The following ASPG variants were observed in gnomAD, a reference collection of about 807,000 sequenced individuals.
ASPG encodes the protein asparaginase, also known as 60 kDa lysophospholipase.
A neutral mutation model predicts 63.2 loss-of-function variants in ASPG; 53 were observed. The ratio of observed to expected loss-of-function variants is 0.84; its 90% CI spans 0.67 to 1.05. The LOEUF is 1.05. Ranked by LOEUF, ASPG falls within the 50% of genes least tolerant of loss-of-function variation. The pLI, the probability that ASPG is intolerant of heterozygous loss-of-function variation, is 0.00. For synonymous variants in ASPG, 370 were observed against 355.0 expected (o/e 1.04, Z -0.48); for missense variants, 741 against 794.4 (o/e 0.93, Z 0.81).
At position 104,104,469 on chromosome 14, in the gene ASPG, G is replaced by A; in HGVS notation, c.919G>A (p.Asp307Asn). Residue 307 changes from aspartate to asparagine, a missense_variant, in exon 8 of 16, where the codon GAC (aspartate) becomes AAC (asparagine). By Grantham distance (23) the Asp-to-Asn change is conservative (BLOSUM62 1). Transcript: ENST00000551177. Reference protein sequence around the residue: ...THCLQGAVTTDYAAGMAMAGA... With the variant: ...THCLQGAVTTNYAAGMAMAGA... ...CTGCCTCCAGGGGGCTGTGACCACA[G>A]ACTATGCAGCTGGCATGGTAGTGCC... is the stretch of plus-strand genomic sequence containing the variant. The A allele has an allele frequency of 6.2e-7, 1 of 1,612,378 alleles. No homozygotes were observed. The highest frequency in any genetic ancestry group is 1.3e-5 in the African/African-American group (1 of 75,060).
rs898526634 is a variant in ASPG, at chr14:104,109,080, G to A, written c.1434-149G>A. The A allele has an allele frequency of 8.2e-6, 12 of 1,471,380 alleles. 1 individual carries two copies. In the Admixed American group the frequency reaches 1.1e-4, roughly 14 times the overall value. 91.1% of individuals were successfully genotyped at this position (1,471,380 alleles called of 1,614,324 possible). Reference sequence around the variant, plus strand: ...GGGCCTAGGCAGAGGATGGGGGGATGGGCCCTTGTCTGAGGCTAGGGCTGT... The same window carrying A: ...GGGCCTAGGCAGAGGATGGGGGGATAGGCCCTTGTCTGAGGCTAGGGCTGT... On this transcript the variant is annotated intron_variant, in intron 12 of 15. Transcript: ENST00000551177. This position sits in a 1 kb window ranked among gnomAD's most constrained non-coding sequence, Gnocchi z 4.8.
rs918658329 is a variant in ASPG at position 104,104,219 on chromosome 14, T to C, written c.754-85T>C. 4 of 1,440,488 alleles carry C rather than the reference T, an allele frequency of 2.8e-6. No individual in the cohort carries two copies. In the African/African-American group the frequency reaches 5.7e-5, roughly 20 times the overall value. 89.2% of individuals were successfully genotyped at this position (1,440,488 alleles called of 1,614,324 possible). A position where few individuals can be genotyped will look rare whatever the true frequency, so the allele number is the denominator to read the frequency against. On this transcript the variant is annotated intron_variant, in intron 7 of 15. Coordinates refer to ENST00000551177, the MANE Select transcript of ASPG (RefSeq NM_001080464.3). ...CCAGCTGCCCCTGGCTTGGGGTCCC[T>C]CTCCTTGGGAGGGCATGGGGCGAGT... is the stretch of plus-strand genomic sequence containing the variant.
rs1373498500 is a variant in ASPG, at chr14:104,111,551, G to A, written c.1570G>A (p.Gly524Arg). 1 of 1,552,466 alleles carries A rather than the reference G, an allele frequency of 6.4e-7. No homozygotes were observed. The highest frequency in any genetic ancestry group is 1.2e-5 in the South Asian group (1 of 84,090). The stretch of plus-strand genomic sequence containing the variant: ...AGGCCTGCAGGTGTGGTGGCAGGCA[G>A]GGGCTGACCTGGGGCAGCCGGGCTA... Reference protein sequence around the residue: ...LEGLQVWWQAGADLGQPGYDG... With the variant: ...LEGLQVWWQARADLGQPGYDG... The change falls in exon 14 of 16, where the codon GGG becomes AGG. Residue 524 changes from glycine (G) to arginine (R), a missense_variant. Coordinates refer to ENST00000551177, the MANE Select transcript of ASPG (RefSeq NM_001080464.3).
chr14:104,099,640 G>A (rs992258735), intron 6 of ASPG, among the ~76,000 whole-genome samples: 10 of 152,206 alleles, frequency 6.6e-5, no homozygotes, highest in South Asian at 2.1e-4. Flanking sequence ...GACTCTACCC[G>A]GCCCCTGCCT....
Position 104,109,088 on chromosome 14 carries a change from G to T in ASPG, c.1434-141G>T. Reference sequence around the variant, plus strand: ...GCAGAGGATGGGGGGATGGGCCCTTGTCTGAGGCTAGGGCTGTGGGGTCTT... The same window carrying T: ...GCAGAGGATGGGGGGATGGGCCCTTTTCTGAGGCTAGGGCTGTGGGGTCTT... On this transcript the variant is annotated intron_variant, in intron 12 of 15. Coordinates refer to ENST00000551177, the MANE Select transcript of ASPG (RefSeq NM_001080464.3). The surrounding 1 kb of genome is among the most constrained non-coding windows in gnomAD (Gnocchi z 4.8). 1 of 1,482,126 alleles carries T rather than the reference G, an allele frequency of 6.7e-7. No homozygotes were observed. The allele number at this position is 1,482,126 out of a possible 1,614,324, so 91.8% of individuals were successfully genotyped here. A position where few individuals can be genotyped will look rare whatever the true frequency, so the allele number is the denominator to read the frequency against.
Position 104,104,294 on chromosome 14 carries a change from C to T in ASPG, c.754-10C>T, listed in dbSNP as rs781082712. 2.9e-5 allele frequency: 47 copies of T among 1,606,816 alleles called. No individual in the cohort carries two copies. Among genetic ancestry groups the T allele is most frequent in the African/African-American group, 4.0e-5 (3 of 74,814 alleles). ...CCTCACCATCCAGCCCCCACCCCAC[C>T]GCCCCACAGGTTCGGGCCTTCTTGC... On this transcript the variant is annotated splice_polypyrimidine_tract_variant and intron_variant, in intron 7 of 15. Transcript: ENST00000551177.
intron 14 of ASPG, 134 bp from the exon 15 acceptor site, chr14:104,111,786 C>A: frequency 9.9e-7 from 1 of 1,013,584 alleles, no homozygotes. Context: ...GTGGGGGTGA[C>A]GAGAGTGGAG....
intron 1 of ASPG, among the ~76,000 whole-genome samples, chr14:104,086,281 G>T (rs2036220243): frequency 6.6e-6 from 1 of 152,170 alleles, no homozygotes; most frequent in Non-Finnish European, 1.5e-5. Flanking sequence ...ACACCCAGGA[G>T]GGTGTCCCCG....
chr14:104,094,295 G>T (rs1449547674), intron 3 of ASPG, among the ~76,000 whole-genome samples: 1 of 152,078 alleles, frequency 6.6e-6, no homozygotes, highest in African/African-American at 2.4e-5. Context: ...CTTGTGCGTG[G>T]CTGGTGACCT....
In ASPG at chr14:104,095,569, C is replaced by T. The variant is rs771248752; in HGVS notation, c.342C>T (p.His114=). 152 of 1,613,106 alleles carry T rather than the reference C, an allele frequency of 9.4e-5. No homozygotes were observed. Among genetic ancestry groups the T allele is most frequent in the Middle Eastern group, 1.6e-4 (1 of 6,082 alleles). The part of the protein sequence containing the change: ...YEQYHGFVVI[H]GTDTMAFAAS... ...AGTACCACGGCTTTGTGGTCATCCACGGCACCGACACCATGGCCTTTGCTG... is the reference window on the plus strand; with the variant it reads ...AGTACCACGGCTTTGTGGTCATCCATGGCACCGACACCATGGCCTTTGCTG... The change falls in exon 4 of 16, where the codon CAC becomes CAT. Residue 114 remains histidine (H), a synonymous_variant. Transcript: ENST00000551177.
At position 104,109,779 on chromosome 14, in the gene ASPG, G is replaced by A. The variant is rs559535783; in HGVS notation, c.1520+464G>A. On this transcript the variant is annotated intron_variant, in intron 13 of 15. Coordinates refer to ENST00000551177, the MANE Select transcript of ASPG (RefSeq NM_001080464.3). The surrounding 1 kb of genome is among the most constrained non-coding windows in gnomAD (Gnocchi z 4.8). ...TCTCGTGAGCTCTGTTCTCCCCAGC[G>A]TGGTTCCTGTCCTGGGATAAACTGA... 1.4e-3 allele frequency among the ~76,000 whole-genome samples: 215 copies of A among 152,112 alleles called. 1 individual carries two copies. The highest frequency in any genetic ancestry group is 5.2e-3 in the South Asian group (25 of 4,798).
rs1279517114 is a variant in ASPG at position 104,105,325 on chromosome 14, C to T, written c.1051-3C>T. On this transcript the variant is annotated splice_region_variant and splice_polypyrimidine_tract_variant and intron_variant, in intron 9 of 15. Transcript: ENST00000551177. ...GCCACTTCACCTCTGTTCTCTCCAC[C>T]AGCTGCTGACCAAGGACCTTCGGGG... 9 of 1,612,538 alleles carry T rather than the reference C, an allele frequency of 5.6e-6. No individual in the cohort carries two copies. Among genetic ancestry groups the T allele is most frequent in the Non-Finnish European group, 7.6e-6 (9 of 1,179,782 alleles).
intron 7 of ASPG, 110 bp downstream of exon 7, chr14:104,103,785 G>A (rs1259575612): frequency 2.2e-5 from 19 of 852,692 alleles, no homozygotes; most frequent in South Asian, 5.1e-5. Flanking sequence ...CAGACCCCGC[G>A]TGGACCTGAG....
In ASPG at chr14:104,109,880, AC is replaced by A. The variant is rs1251030326; in HGVS notation, c.1520+567del. 1.1e-6 allele frequency: 1 copy of A among 900,932 alleles called. No homozygotes were observed. The highest frequency in any genetic ancestry group is 1.8e-5 in the African/African-American group (1 of 55,514). 55.8% of individuals were successfully genotyped at this position (900,932 alleles called of 1,614,324 possible). A position where few individuals can be genotyped will look rare whatever the true frequency, so the allele number is the denominator to read the frequency against. ...CCTTCCGATCTCATGCTGCCGAGTG[AC>A]CACCGAGGCAGGCTCAGGCCTTCTG... On this transcript the variant is annotated intron_variant, in intron 13 of 15. Transcript: ENST00000551177. The surrounding 1 kb of genome is among the most constrained non-coding windows in gnomAD (Gnocchi z 4.8).
chr14:104,105,248 G>A (rs543694670), intron 9 of ASPG, 80 bp from the exon 10 acceptor site: 15 of 1,606,128 alleles, frequency 9.3e-6, no homozygotes, highest in Non-Finnish European at 1.0e-5. Context: ...GACTGTGCCC[G>A]GGTAGCCCGA....
At position 104,114,429 on chromosome 14, in the gene ASPG, C is replaced by T. The variant is rs933285915; in HGVS notation, c.*1885C>T. The T allele has an allele frequency of 6.6e-6, 1 of 152,354 alleles. No individual in the cohort carries two copies. Among genetic ancestry groups the T allele is most frequent in the African/African-American group, 2.4e-5 (1 of 41,450 alleles). The allele number at this position is 152,354 out of a possible 1,614,324, so 9.4% of individuals were successfully genotyped here. The stretch of plus-strand genomic sequence containing the variant: ...CCAGACCCCCATTGTCAGTCCCCTC[C>T]AAACCCTCGTGGGATGTAGGGCCCT... On this transcript the variant is annotated 3_prime_UTR_variant, in exon 16 of 16. Coordinates refer to ENST00000551177, the MANE Select transcript of ASPG (RefSeq NM_001080464.3).
Position 104,110,602 on chromosome 14 carries a change from G to A in ASPG, c.1521-900G>A. ...TGTGGGGCTTGGCCTCTTGGAGCAG[G>A]TCCAGGAGGGGCCAGTGAGGCCATC... is the stretch of plus-strand genomic sequence containing the variant. On this transcript the variant is annotated intron_variant, in intron 13 of 15. Transcript: ENST00000551177. This position sits in a 1 kb window ranked among gnomAD's most constrained non-coding sequence, Gnocchi z 4.7. 1 of 985,312 alleles carries A rather than the reference G, an allele frequency of 1.0e-6. No individual in the cohort carries two copies. Among genetic ancestry groups the A allele is most frequent in the Non-Finnish European group, 1.2e-6 (1 of 829,866 alleles). The allele number at this position is 985,312 out of a possible 1,614,324, so 61.0% of individuals were successfully genotyped here. A position where few individuals can be genotyped will look rare whatever the true frequency, so the allele number is the denominator to read the frequency against.
Position 104,103,598 on chromosome 14 carries a change from G to A in ASPG, c.676G>A (p.Ala226Thr). The A allele has an allele frequency of 6.5e-7, 1 of 1,548,146 alleles. No homozygotes were observed. Among genetic ancestry groups the A allele is most frequent in the Non-Finnish European group, 8.7e-7 (1 of 1,146,760 alleles). Residue 226 changes from alanine to threonine, a missense_variant, in exon 7 of 16, where the codon GCT becomes ACT. Coordinates refer to ENST00000551177, the MANE Select transcript of ASPG (RefSeq NM_001080464.3). Reference sequence around the variant, plus strand: ...GCTGGTGCGGAAGGTGGACGGGAAGGCTGGGCTGGTGGTGCACAGCAGCAT... The same window carrying A: ...GCTGGTGCGGAAGGTGGACGGGAAGACTGGGCTGGTGGTGCACAGCAGCAT... ...RELVRKVDGK[A>T]GLVVHSSMEQ...
rs752030782 is a variant in ASPG, at chr14:104,104,758, G to A, written c.1050+23G>A. Reference sequence around the variant, plus strand: ...GAGGTGCGGGCGCTCTCGGGCTGTGGGCAACCCTCGGTGTGCACAAGCATG... The same window carrying A: ...GAGGTGCGGGCGCTCTCGGGCTGTGAGCAACCCTCGGTGTGCACAAGCATG... On this transcript the variant is annotated intron_variant, in intron 9 of 15. Transcript: ENST00000551177. 7 of 1,559,404 alleles carry A rather than the reference G, an allele frequency of 4.5e-6. 1 individual carries two copies. The highest frequency in any genetic ancestry group is 5.2e-6 in the Non-Finnish European group (6 of 1,145,562).
Sources: allele counts gnomAD v4.1 joint callset (sites outside exome capture counted in the v4.1 genomes callset), GRCh38; gene constraint gnomAD v4.1.1; non-coding constraint Gnocchi (gnomAD v3.1); transcripts MANE v1.5; gene names NCBI Gene and HGNC (gene_info 2026-07-23, HGNC 2026-07-21).